CDH18: variants seen among roughly 807,000 people sequenced by gnomAD.
The protein encoded by CDH18 is cadherin 18.
Under a neutral mutation model 67.9 loss-of-function variants are expected in CDH18, and 31 were observed. The observed-to-expected ratio is 0.46, with a 90% CI of 0.34 to 0.62. The LOEUF is 0.62. Among genes scored for constraint, CDH18 ranks in the 20% least tolerant of loss-of-function variants. The pLI is 0.01. For synonymous variants in CDH18, 362 were observed against 347.2 expected (o/e 1.04, Z -0.48); for missense variants, 890 against 975.5 (o/e 0.91, Z 1.17).
At chr5:20,573,458 TA>T (rs1758920558) in intron 1 of CDH18, among the ~76,000 whole-genome samples, 1 of 151,782 alleles carries the variant, frequency 6.6e-6, no homozygotes, top group Non-Finnish European at 1.5e-5. Context: ...ACAAAAATTA[TA>T]AAATTCAAAG....
At chr5:19,714,968 T>C (rs978670546) in intron 5 of CDH18, among the ~76,000 whole-genome samples, 26 of 152,086 alleles carry the variant, frequency 1.7e-4, no homozygotes, top group African/African-American at 6.0e-4. Context: ...ATCTTCTTTA[T>C]CTTCTGCAGA....
At chr5:19,663,205 A>AT (rs1757431814) in intron 5 of CDH18, among the ~76,000 whole-genome samples, 1 of 151,970 alleles carries the variant, frequency 6.6e-6, no homozygotes, top group African/African-American at 2.4e-5. Flanking sequence ...TAACGACAGA[A>AT]TTTTATCACA....
intron 1 of CDH18, chr5:20,304,577 C>G: frequency 6.2e-7 from 1 of 1,610,724 alleles, no homozygotes; most frequent in South Asian, 1.1e-5. Context: ...AATGAAAATC[C>G]AGTCAGGGGG....
chr5:20,443,289 C>T (rs1283771222), intron 1 of CDH18, among the ~76,000 whole-genome samples: 1 of 143,396 alleles, frequency 7.0e-6, no homozygotes, highest in African/African-American at 2.6e-5. Flanking sequence ...GGCTGTTTAA[C>T]AATGTTTTAT....
intron 2 of CDH18, among the ~76,000 whole-genome samples, chr5:19,840,813 T>C (rs569048397): frequency 6.6e-6 from 1 of 152,318 alleles, no homozygotes; most frequent in South Asian, 2.1e-4. Context: ...TGAATATATG[T>C]TTAGGAAGAT....
intron 1 of CDH18, among the ~76,000 whole-genome samples, chr5:20,502,525 G>A (rs1401334670): frequency 1.3e-5 from 2 of 152,156 alleles, no homozygotes; most frequent in African/African-American, 2.4e-5. Context: ...ATATTTATCT[G>A]AGAAGACTTG....
At chr5:20,179,136 T>C (rs1056237106) in intron 2 of CDH18, among the ~76,000 whole-genome samples, 1 of 152,146 alleles carries the variant, frequency 6.6e-6, no homozygotes, top group African/African-American at 2.4e-5. Flanking sequence ...TTTTTAATTA[T>C]AGTAAAGACA....
chr5:19,927,358 G>C (rs181697973), intron 2 of CDH18, among the ~76,000 whole-genome samples: 1 of 152,056 alleles, frequency 6.6e-6, no homozygotes, highest in African/African-American at 2.4e-5. Context: ...ACTCTATGAG[G>C]TAGTTTTGAC....
intron 8 of CDH18, among the ~76,000 whole-genome samples, chr5:19,556,584 A>C (rs1738465608): frequency 6.6e-6 from 1 of 152,128 alleles, no homozygotes; most frequent in African/African-American, 2.4e-5. Context: ...AAAGAAAAAA[A>C]AAATTTAAAA....
chr5:20,161,644 G>A (rs1735900722), intron 2 of CDH18, among the ~76,000 whole-genome samples: 1 of 152,216 alleles, frequency 6.6e-6, no homozygotes, highest in East Asian at 1.9e-4. Context: ...TCAGTTATGG[G>A]TTTCTTTTTT....
intron 1 of CDH18, among the ~76,000 whole-genome samples, chr5:20,487,527 C>A (rs1271539730): frequency 6.6e-6 from 1 of 150,466 alleles, no homozygotes; most frequent in Non-Finnish European, 1.5e-5. Flanking sequence ...ATACATATAT[C>A]TATCTATTTC....
intron 1 of CDH18, among the ~76,000 whole-genome samples, chr5:20,509,661 C>T (rs560371341): frequency 5.8e-3 from 27 of 4,646 alleles, no homozygotes; most frequent in South Asian, 0.01. Flanking sequence ...CCTTGTGATC[C>T]GCCCGCCTTG....
intron 2 of CDH18, among the ~76,000 whole-genome samples, chr5:19,910,681 G>C (rs550698112): frequency 6.6e-6 from 1 of 152,108 alleles, no homozygotes; most frequent in African/African-American, 2.4e-5. Context: ...GTGTCTGAAG[G>C]CCATACATGA....
chr5:19,863,700 T>C lies in CDH18; in HGVS notation c.-256-24458A>G, dbSNP rs2149990792. Among the ~76,000 whole-genome samples the C allele has an allele frequency of 1.3e-5, 2 of 152,238 alleles. 1 individual carries two copies. The highest frequency in any genetic ancestry group is 3.9e-4 in the East Asian group (2 of 5,162). ...TATTGCCCCTGGCAGCAGGTGGCAG[T>C]GGCCCCAGGATGCAGAAGGGAGGCA... is the stretch of plus-strand genomic sequence containing the variant. On this transcript the variant is annotated intron_variant, in intron 2 of 12. Coordinates refer to ENST00000382275, the MANE Select transcript of CDH18 (RefSeq NM_004934.5).
At chr5:20,561,199 G>GT (rs1166836257) in intron 1 of CDH18, among the ~76,000 whole-genome samples, 1 of 152,030 alleles carries the variant, frequency 6.6e-6, no homozygotes, top group Admixed American at 6.6e-5. Context: ...CAGTTGGCCA[G>GT]TTTTTTACAA....
intron 1 of CDH18, among the ~76,000 whole-genome samples, chr5:20,377,044 G>T (rs1308499435): frequency 6.6e-6 from 1 of 151,780 alleles, no homozygotes; most frequent in Non-Finnish European, 1.5e-5. Context: ...ATTAGGTCAG[G>T]CCATAGAGAT....
At chr5:20,571,513 T>C (rs189412808) in intron 1 of CDH18, among the ~76,000 whole-genome samples, 52 of 152,274 alleles carry the variant, frequency 3.4e-4, no homozygotes, top group African/African-American at 1.2e-3. Context: ...CATTATATTA[T>C]ATACCAGTAG....
chr5:20,032,049 A>T (rs931080907), intron 2 of CDH18, among the ~76,000 whole-genome samples: 2 of 152,072 alleles, frequency 1.3e-5, no homozygotes, highest in African/African-American at 4.8e-5. Flanking sequence ...ATGTTTCTAA[A>T]TTCAAAATAT....
chr5:19,878,826 C>G (rs563442998), intron 2 of CDH18, among the ~76,000 whole-genome samples: 1 of 151,840 alleles, frequency 6.6e-6, no homozygotes, highest in Non-Finnish European at 1.5e-5. Context: ...ATAAAAAAAT[C>G]TTTTTTTGTG....
Sources: allele counts gnomAD v4.1 joint callset (sites outside exome capture counted in the v4.1 genomes callset), GRCh38; gene constraint gnomAD v4.1.1; transcripts MANE v1.5; gene names NCBI Gene and HGNC (gene_info 2026-07-23, HGNC 2026-07-21).